The following SLC6A13 variants were observed in gnomAD, a reference collection of about 807,000 sequenced individuals.
SLC6A13 encodes the protein sodium- and chloride-dependent GABA transporter 2.
In SLC6A13, 69 loss-of-function variants were observed where a neutral mutation model predicts 72.9. That is an observed-to-expected ratio of 0.95 (90% CI 0.78 to 1.16). The LOEUF is 1.16. SLC6A13 is among the 50% of genes most tolerant of loss of function. The probability of loss-of-function intolerance (pLI) is 0.00; values close to 1 mark genes in which losing one functional copy is unlikely to be tolerated. For missense variants in SLC6A13, 735 were observed against 760.5 expected, an observed-to-expected ratio of 0.97 and a Z score of 0.39; for synonymous variants, 303 against 303.0, an observed-to-expected ratio of 1.00 and a Z score of 0.00.
Position 221,033 on chromosome 12 carries a change from G to A in SLC6A13, c.1724C>T (p.Pro575Leu). ...RQLMCPAEDL[P>L]QRNPAGPSAP... is the part of the protein sequence containing the mutation. ...CGAGGGTCCTGCTGGGTTCCGCTGG[G>A]GCAGGTCCTCGGCTGGGCACATGAG... The change falls in exon 15 of 15, where the codon CCC becomes CTC. Residue 575 changes from proline to leucine, a missense_variant. Pro to Leu is a moderately conservative substitution (Grantham distance 98). Coordinates refer to ENST00000343164, the MANE Select transcript of SLC6A13 (RefSeq NM_016615.5). 1 of 1,611,744 alleles carries A rather than the reference G, an allele frequency of 6.2e-7. No homozygotes were observed. The highest frequency in any genetic ancestry group is 2.2e-5 in the East Asian group (1 of 44,868).
rs949706466 is a variant in SLC6A13, at chr12:234,342, G to A, written c.831+748C>T. Among the ~76,000 whole-genome samples, 6 of 152,288 alleles carry A rather than the reference G, an allele frequency of 3.9e-5. 1 individual carries two copies. Among genetic ancestry groups the A allele is most frequent in the Admixed American group, 2.0e-4 (3 of 15,302 alleles). On this transcript the variant is annotated intron_variant, in intron 7 of 14. Coordinates refer to ENST00000343164, the MANE Select transcript of SLC6A13 (RefSeq NM_016615.5). ...GAGGGAACCCTCAGTTATGGGAATTGCCCACACCTTTCCAGGAAACTAATG... is the reference window on the plus strand; with the variant it reads ...GAGGGAACCCTCAGTTATGGGAATTACCCACACCTTTCCAGGAAACTAATG...
chr12:257,554 G>A (rs1488229992), intron 2 of SLC6A13, among the ~76,000 whole-genome samples: 2 of 152,168 alleles, frequency 1.3e-5, no homozygotes, highest in Non-Finnish European at 2.9e-5. Context: ...GTGCTGGAAG[G>A]CAGGCTCTAC....
Position 259,983 on chromosome 12 carries a change from T to A in SLC6A13, c.70A>T (p.Lys24Ter). ...CGCTCCAGGGTGCCATCTTCCTCCT[T>A]CTTTTCCATGACTGGATACACTGGT... ...TKPVYPVMEK[K>*]EEDGTLERGH... is the part of the protein sequence containing the mutation. Residue 24 changes from lysine (K) to a stop codon, truncating the protein, a stop_gained, in exon 2 of 15, where the codon AAG becomes TAG. Coordinates refer to ENST00000343164, the MANE Select transcript of SLC6A13 (RefSeq NM_016615.5). LOFTEE classifies it high-confidence loss of function. The A allele has an allele frequency of 6.2e-7, 1 of 1,614,192 alleles. No individual in the cohort carries two copies. The highest frequency in any genetic ancestry group is 8.5e-7 in the Non-Finnish European group (1 of 1,180,020).
intron 12 of SLC6A13, 148 bp downstream of exon 12, chr12:222,984 A>G (rs1941279558): frequency 9.9e-6 from 6 of 606,780 alleles, no homozygotes; most frequent in Non-Finnish European, 1.8e-5. Flanking sequence ...AAAGGTAGCA[A>G]TTTAGGATTT....
At position 259,929 on chromosome 12, in the gene SLC6A13, CA is replaced by C; in HGVS notation, c.123del (p.Phe41LeufsTer12). On this transcript the variant is annotated frameshift_variant, in exon 2 of 15. Transcript: ENST00000343164. LOFTEE classifies it high-confidence loss of function. ...ERGHWNNKME[F>X]VLSVAGEIIG... ...ATGATCTCCCCAGCCACTGACAGCA[CA>C]AACTCCATCTTGTTGTTCCAGTGCC... The C allele has an allele frequency of 6.2e-7, 1 of 1,614,230 alleles. No individual in the cohort carries two copies. The highest frequency in any genetic ancestry group is 8.5e-7 in the Non-Finnish European group (1 of 1,180,024).
rs776803758 is a variant in SLC6A13, at chr12:237,274, T to C, written c.580A>G (p.Ile194Val). The change falls in exon 6 of 15, where the codon ATC (isoleucine) becomes GTC (valine). Residue 194 changes from isoleucine (I) to valine (V), a missense_variant. By Grantham distance (29) the Ile-to-Val change is conservative. Transcript: ENST00000343164. ...IEFWERRVLK[I>V]SDGIQHLGAL... ...CCCAGGTGCTGGATCCCATCAGAGA[T>C]CTTCAAGACCCGCCGCCTGGGGAGA... 1.2e-6 allele frequency: 2 copies of C among 1,614,112 alleles called. No homozygotes were observed. Among genetic ancestry groups the C allele is most frequent in the Non-Finnish European group, 1.7e-6 (2 of 1,179,998 alleles).
chr12:242,319 C>T (rs1942196048), intron 4 of SLC6A13, among the ~76,000 whole-genome samples: 1 of 152,196 alleles, frequency 6.6e-6, no homozygotes, highest in African/African-American at 2.4e-5. Context: ...AATGAATGAA[C>T]AAAACATATA....
intron 1 of SLC6A13, among the ~76,000 whole-genome samples, chr12:261,190 G>A (rs893048023): frequency 2.6e-5 from 4 of 152,194 alleles, no homozygotes; most frequent in Admixed American, 2.0e-4. Flanking sequence ...ATGACTGGAC[G>A]TGGCCCACAT....
intron 2 of SLC6A13, among the ~76,000 whole-genome samples, chr12:244,675 C>G (rs1942286647): frequency 1.3e-5 from 2 of 151,780 alleles, no homozygotes; most frequent in South Asian, 4.2e-4. Context: ...ACCTGGGTGA[C>G]AGAGCAAGAC....
At chr12:243,079 G>A (rs369725181) in intron 3 of SLC6A13, among the ~76,000 whole-genome samples, 135 of 150,978 alleles carry the variant, frequency 8.9e-4, no homozygotes, top group Middle Eastern at 6.8e-3. Flanking sequence ...GTGCAATCTC[G>A]GCTCGCTGCA....
intron 4 of SLC6A13, chr12:238,451 G>T: frequency 1.5e-6 from 1 of 645,828 alleles, no homozygotes; most frequent in Non-Finnish European, 2.5e-6. Flanking sequence ...TGCAGCTGTG[G>T]GTAAGTTATA....
rs781230725 is a variant in SLC6A13 at position 221,114 on chromosome 12, C to T, written c.1687-44G>A. 4.5e-6 allele frequency: 7 copies of T among 1,541,604 alleles called. No individual in the cohort carries two copies. The Admixed American group carries it at 1.2e-4, about 25-fold the overall frequency. ...TGGCTGTCAGGTGGTGGAGCGGGGG[C>T]AGGTCTGCCAGCTTCCCTCATCACC... On this transcript the variant is annotated intron_variant, in intron 14 of 14. Coordinates refer to ENST00000343164, the MANE Select transcript of SLC6A13 (RefSeq NM_016615.5).
intron 6 of SLC6A13, among the ~76,000 whole-genome samples, chr12:236,722 C>T (rs1052333168): frequency 1.3e-5 from 2 of 152,204 alleles, no homozygotes; most frequent in Non-Finnish European, 2.9e-5. Context: ...TAGGAGAGGC[C>T]CCCAGGGCAA....
chr12:221,005 A>G lies in SLC6A13; in HGVS notation c.1752T>C (p.Ala584=). ...GCAGTGAGGTCCTGGGGGTGGCGGG[A>G]GCCGAGGGTCCTGCTGGGTTCCGCT... is the stretch of plus-strand genomic sequence containing the variant. ...LPQRNPAGPS[A]PATPRTSLLR... is the part of the protein sequence containing the mutation. Residue 584 remains alanine (A), a synonymous_variant, in exon 15 of 15, where the codon GCT becomes GCC. Transcript: ENST00000343164. The G allele has an allele frequency of 6.2e-7, 1 of 1,612,344 alleles. No individual in the cohort carries two copies. Among genetic ancestry groups the G allele is most frequent in the Non-Finnish European group, 8.5e-7 (1 of 1,179,752 alleles).
intron 7 of SLC6A13, among the ~76,000 whole-genome samples, chr12:228,801 A>C (rs1343120050): frequency 2.0e-5 from 3 of 152,154 alleles, no homozygotes; most frequent in East Asian, 3.9e-4. Flanking sequence ...AATCACGCTG[A>C]TTCCTCAGCC....
At chr12:234,164 G>T (rs1474051147) in intron 7 of SLC6A13, among the ~76,000 whole-genome samples, 2 of 152,218 alleles carry the variant, frequency 1.3e-5, no homozygotes, top group African/African-American at 2.4e-5. Context: ...GGCAGAGGCA[G>T]GGCATAACCG....
Position 262,760 on chromosome 12 carries a change from G to GA in SLC6A13, c.-6+28dup, listed in dbSNP as rs1301587720. ...ACCTGCAGTCTGAGACGCAGAAATA[G>GA]AAAAAAAAGAGAAGAAAACATTTCG... is the stretch of plus-strand genomic sequence containing the variant. On this transcript the variant is annotated intron_variant, in intron 1 of 14. Transcript: ENST00000343164. 5.9e-5 allele frequency: 55 copies of GA among 928,670 alleles called. No individual in the cohort carries two copies. In the South Asian group the frequency reaches 6.9e-4, roughly 12 times the overall value. The allele number at this position is 928,670 out of a possible 1,614,324, so 57.5% of individuals were successfully genotyped here. A position where few individuals can be genotyped will look rare whatever the true frequency, so the allele number is the denominator to read the frequency against.
intron 7 of SLC6A13, among the ~76,000 whole-genome samples, chr12:234,738 G>C (rs560341158): frequency 2.0e-5 from 3 of 152,086 alleles, no homozygotes; most frequent in Admixed American, 6.5e-5. Flanking sequence ...GACTGGTCTC[G>C]AATTCCTGAC....
At chr12:258,497 A>G (rs1362382991) in intron 2 of SLC6A13, among the ~76,000 whole-genome samples, 1 of 151,858 alleles carries the variant, frequency 6.6e-6, no homozygotes, top group Non-Finnish European at 1.5e-5. Context: ...TCCTCTCATC[A>G]TTTTCCCTGG....
Sources: gnomAD v4.1 joint callset for allele counts (sites outside exome capture counted in the v4.1 genomes callset) on GRCh38, gnomAD v4.1.1 for gene constraint, MANE v1.5 for transcripts, NCBI Gene and HGNC (gene_info 2026-07-23, HGNC 2026-07-21) for gene names.